SNX24: variants seen among roughly 807,000 people sequenced by gnomAD.
SNX24 encodes the protein sorting nexin 24, also known as sorting nexin-24.
A neutral mutation model predicts 28.7 loss-of-function variants in SNX24; 22 were observed. The observed-to-expected ratio is 0.77, with a 90% CI of 0.55 to 1.10. SNX24 has a LOEUF of 1.10. Ranked by LOEUF, SNX24 falls within the 50% of genes least tolerant of loss-of-function variation. The pLI is 0.00. For synonymous variants in SNX24, 69 were observed against 71.5 expected (o/e 0.96, Z 0.18); for missense variants, 221 against 201.1 (o/e 1.10, Z -0.60).
At chr5:122,883,744 G>C (rs1481632391) in intron 1 of SNX24, among the ~76,000 whole-genome samples, 2 of 152,050 alleles carry the variant, frequency 1.3e-5, no homozygotes, top group Non-Finnish European at 2.9e-5. Flanking sequence ...TGAACTCCTG[G>C]GCTCAAGAGA....
intron 3 of SNX24, among the ~76,000 whole-genome samples, chr5:122,955,239 T>G (rs1030753610): frequency 6.6e-6 from 1 of 152,184 alleles, no homozygotes; most frequent in Non-Finnish European, 1.5e-5. Flanking sequence ...TTATATCTTT[T>G]ATTTCCTTCC....
chr5:122,936,574 T>G (rs1376934472), intron 1 of SNX24, among the ~76,000 whole-genome samples, 160 bp from the exon 2 acceptor site: 1 of 152,156 alleles, frequency 6.6e-6, no homozygotes, highest in Non-Finnish European at 1.5e-5. Flanking sequence ...GAGTGCTCAT[T>G]AATCAGTGCT....
At chr5:122,855,989 G>A (rs186246738) in intron 1 of SNX24, among the ~76,000 whole-genome samples, 1 of 152,094 alleles carries the variant, frequency 6.6e-6, no homozygotes, top group African/African-American at 2.4e-5. Context: ...TTTTAGGTTC[G>A]GGGGTACATG....
At chr5:122,945,823 A>G (rs773122318) in intron 2 of SNX24, among the ~76,000 whole-genome samples, 1 of 152,178 alleles carries the variant, frequency 6.6e-6, no homozygotes, top group Non-Finnish European at 1.5e-5. Context: ...AATATCAACA[A>G]TAATACCTAC....
intron 5 of SNX24, among the ~76,000 whole-genome samples, chr5:123,015,714 A>T (rs2150185687): frequency 6.6e-6 from 1 of 152,048 alleles, no homozygotes; most frequent in Admixed American, 6.5e-5. Context: ...ACTTCAAATT[A>T]TTTTCATATT....
At chr5:122,889,788 T>G (rs1756884996) in intron 1 of SNX24, among the ~76,000 whole-genome samples, 1 of 149,952 alleles carries the variant, frequency 6.7e-6, no homozygotes, top group Admixed American at 6.7e-5. Flanking sequence ...TTTTCATTAT[T>G]CCTAAGGACA....
intron 1 of SNX24, among the ~76,000 whole-genome samples, chr5:122,861,167 C>A (rs999314785): frequency 7.9e-5 from 12 of 151,942 alleles, no homozygotes; most frequent in African/African-American, 2.7e-4. Context: ...TGGTGAAACC[C>A]TGTCTCTACT....
At chr5:122,913,161 C>G (rs555392400) in intron 1 of SNX24, among the ~76,000 whole-genome samples, 1 of 152,264 alleles carries the variant, frequency 6.6e-6, no homozygotes, top group African/African-American at 2.4e-5. Context: ...CTTTTCCCCA[C>G]CTTTCCCCCT....
chr5:122,917,036 A>AG (rs1337373127), intron 1 of SNX24, among the ~76,000 whole-genome samples: 1 of 152,158 alleles, frequency 6.6e-6, no homozygotes, highest in Non-Finnish European at 1.5e-5. Context: ...TGAGAGGCTG[A>AG]GGGGGACGGA....
chr5:122,913,808 A>T (rs1443929015), intron 1 of SNX24, among the ~76,000 whole-genome samples: 1 of 152,182 alleles, frequency 6.6e-6, no homozygotes, highest in Admixed American at 6.5e-5. Context: ...ACTGCACTCC[A>T]ACCTGGGCAC....
At chr5:122,954,796 T>C (rs1455292503) in intron 3 of SNX24, among the ~76,000 whole-genome samples, 2 of 152,132 alleles carry the variant, frequency 1.3e-5, no homozygotes. Context: ...CTGTTTTCAA[T>C]ATTTTATTCT....
chr5:122,879,319 A>C (rs1756372060), intron 1 of SNX24, among the ~76,000 whole-genome samples: 1 of 152,226 alleles, frequency 6.6e-6, no homozygotes, highest in Non-Finnish European at 1.5e-5. Flanking sequence ...TCAGCAAAAC[A>C]TGTAGTGAGG....
intron 5 of SNX24, chr5:123,023,376 A>G (rs1450391259): frequency 6.6e-6 from 1 of 152,254 alleles, no homozygotes; most frequent in African/African-American, 2.4e-5. Flanking sequence ...AAGTCTTGCA[A>G]AAAGAGTTGA....
At chr5:122,850,372 C>A (rs1754854898) in intron 1 of SNX24, among the ~76,000 whole-genome samples, 1 of 152,186 alleles carries the variant, frequency 6.6e-6, no homozygotes, top group Non-Finnish European at 1.5e-5. Flanking sequence ...ATGACCTCAT[C>A]ACTTCCCAGA....
At chr5:122,992,872 A>G (rs1411490220) in intron 3 of SNX24, among the ~76,000 whole-genome samples, 1 of 152,148 alleles carries the variant, frequency 6.6e-6, no homozygotes, top group East Asian at 1.9e-4. Flanking sequence ...GTAAGCTTTG[A>G]TATTAAAATA....
chr5:122,918,525 C>G (rs1321032587), intron 1 of SNX24, among the ~76,000 whole-genome samples: 1 of 152,132 alleles, frequency 6.6e-6, no homozygotes, highest in Non-Finnish European at 1.5e-5. Context: ...ATTTACTTGT[C>G]TTCTTTGCTA....
At chr5:122,985,575 C>T (rs971612522) in intron 3 of SNX24, among the ~76,000 whole-genome samples, 2 of 152,168 alleles carry the variant, frequency 1.3e-5, no homozygotes, top group African/African-American at 2.4e-5. Flanking sequence ...AGCCATAAAA[C>T]GTTATGAAGA....
At chr5:122,994,025 A>G (rs954327726) in intron 3 of SNX24, among the ~76,000 whole-genome samples, 4 of 152,132 alleles carry the variant, frequency 2.6e-5, no homozygotes, top group Non-Finnish European at 5.9e-5. Flanking sequence ...CAACCCTGAT[A>G]GACAATGGAA....
At chr5:122,889,716 T>C (rs1298868706) in intron 1 of SNX24, among the ~76,000 whole-genome samples, 2 of 90,346 alleles carry the variant, frequency 2.2e-5, no homozygotes, top group African/African-American at 5.4e-5. Context: ...TATGTATATA[T>C]ATATGTATGT....
Sources: gnomAD v4.1 joint callset for allele counts (sites outside exome capture counted in the v4.1 genomes callset) on GRCh38, gnomAD v4.1.1 for gene constraint, MANE v1.5 for transcripts, NCBI Gene and HGNC (gene_info 2026-07-23, HGNC 2026-07-21) for gene names.